The following PCDH9 variants were observed in gnomAD, a reference collection of about 807,000 sequenced individuals.
PCDH9 encodes the protein protocadherin-9.
Under a neutral mutation model 70.6 loss-of-function variants are expected in PCDH9, and 24 were observed. The observed-to-expected ratio is 0.34, with a 90% confidence interval of 0.25 to 0.48. The LOEUF (loss-of-function observed/expected upper bound fraction) is 0.48, where lower values mean the gene tolerates loss of function less well. Ranked by LOEUF, PCDH9 falls within the 20% of genes least tolerant of loss-of-function variation. The pLI is 0.99. For synonymous variants in PCDH9, 562 were observed against 558.5 expected (o/e 1.01, Z -0.09); for missense variants, 1,281 against 1,503.6 (o/e 0.85, Z 2.45).
chr13:66,808,708 G>T (rs929471752), intron 3 of PCDH9, among the ~76,000 whole-genome samples: 1 of 152,094 alleles, frequency 6.6e-6, no homozygotes, highest in Non-Finnish European at 1.5e-5. Context: ...GCTAGAGAAT[G>T]CATATTTATA....
chr13:67,112,386 T>C (rs1344409804), intron 2 of PCDH9, among the ~76,000 whole-genome samples: 3 of 152,200 alleles, frequency 2.0e-5, no homozygotes, highest in African/African-American at 4.8e-5. Context: ...GTGGTGCCTA[T>C]GATCAGCAGC....
At chr13:66,564,954 G>A (rs988327707) in intron 4 of PCDH9, among the ~76,000 whole-genome samples, 1 of 151,600 alleles carries the variant, frequency 6.6e-6, no homozygotes, top group Non-Finnish European at 1.5e-5. Flanking sequence ...ATGTAACCTC[G>A]TTTCTCTCTG....
At chr13:66,692,908 T>C (rs1340324635) in intron 3 of PCDH9, among the ~76,000 whole-genome samples, 1 of 152,010 alleles carries the variant, frequency 6.6e-6, no homozygotes, top group African/African-American at 2.4e-5. Context: ...GAATGGACTA[T>C]TTGAGGAAAA....
intron 2 of PCDH9, among the ~76,000 whole-genome samples, chr13:67,112,265 G>A (rs1273880012): frequency 6.6e-6 from 1 of 152,082 alleles, no homozygotes; most frequent in Non-Finnish European, 1.5e-5. Flanking sequence ...GCTAGGCAGG[G>A]CATTTGACAC....
intron 2 of PCDH9, among the ~76,000 whole-genome samples, chr13:66,986,223 C>T (rs970668612): frequency 2.0e-5 from 3 of 151,940 alleles, no homozygotes; most frequent in Admixed American, 6.6e-5. Flanking sequence ...AGATTTCACT[C>T]ACTATCACAA....
At chr13:66,783,626 T>G (rs2080034865) in intron 3 of PCDH9, among the ~76,000 whole-genome samples, 1 of 152,138 alleles carries the variant, frequency 6.6e-6, no homozygotes, top group Non-Finnish European at 1.5e-5. Flanking sequence ...GTAATTCAAA[T>G]TCATTTACAA....
chr13:67,008,357 G>T (rs2084392010), intron 2 of PCDH9, among the ~76,000 whole-genome samples: 1 of 152,084 alleles, frequency 6.6e-6, no homozygotes, highest in Admixed American at 6.6e-5. Context: ...GGAGAAATCA[G>T]CTAGTACACA....
chr13:66,781,822 A>G (rs1302556246), intron 3 of PCDH9, among the ~76,000 whole-genome samples: 5 of 152,206 alleles, frequency 3.3e-5, no homozygotes, highest in Admixed American at 2.0e-4. Context: ...AACTTACTTT[A>G]GTTATATTCA....
chr13:66,534,273 G>A (rs1844888801), intron 4 of PCDH9, among the ~76,000 whole-genome samples: 1 of 152,082 alleles, frequency 6.6e-6, no homozygotes, highest in South Asian at 2.1e-4. Context: ...TCTTTTTAAA[G>A]TTATTGTCTT....
intron 4 of PCDH9, among the ~76,000 whole-genome samples, chr13:66,539,836 C>G (rs1224955364): frequency 1.3e-5 from 2 of 149,182 alleles, no homozygotes; most frequent in Admixed American, 1.3e-4. Flanking sequence ...TTATATTTTC[C>G]TATTTTTCTT....
chr13:66,579,355 T>G (rs1229170120), intron 4 of PCDH9, among the ~76,000 whole-genome samples: 1 of 152,070 alleles, frequency 6.6e-6, no homozygotes, highest in Non-Finnish European at 1.5e-5. Context: ...GCTAAAATGC[T>G]AAACTTCGAA....
chr13:67,201,804 G>A (rs2089219954), intron 2 of PCDH9: 1 of 151,862 alleles, frequency 6.6e-6, no homozygotes, highest in South Asian at 2.1e-4. Context: ...TAGTGCCTAA[G>A]TATCTCAAGA....
intron 4 of PCDH9, among the ~76,000 whole-genome samples, chr13:66,553,830 A>C (rs1961602022): frequency 6.6e-6 from 1 of 152,202 alleles, no homozygotes; most frequent in South Asian, 2.1e-4. Flanking sequence ...CCATTTTAAT[A>C]ATAAAATTCC....
intron 4 of PCDH9, among the ~76,000 whole-genome samples, chr13:66,362,093 C>A (rs1384287042): frequency 5.9e-5 from 9 of 152,132 alleles, no homozygotes; most frequent in African/African-American, 2.2e-4. Context: ...TTACTGATAT[C>A]TAGAGCACTG....
chr13:66,943,885 A>G (rs2083045753), intron 2 of PCDH9, among the ~76,000 whole-genome samples: 2 of 152,110 alleles, frequency 1.3e-5, no homozygotes, highest in Admixed American at 6.6e-5. Flanking sequence ...TGTGATTTGG[A>G]TACCAATGAA....
At chr13:67,200,945 C>A (rs1303533715) in intron 2 of PCDH9, 1 of 152,006 alleles carries the variant, frequency 6.6e-6, no homozygotes, top group Non-Finnish European at 1.5e-5. Context: ...TCAGGAAATC[C>A]TTATTAGAAG....
chr13:66,776,992 T>C (rs2079906307), intron 3 of PCDH9, among the ~76,000 whole-genome samples: 1 of 151,518 alleles, frequency 6.6e-6, no homozygotes, highest in Admixed American at 6.6e-5. Flanking sequence ...TACAACTATC[T>C]GATCTTTGAC....
In PCDH9 at chr13:67,225,991, A is replaced by G. The variant is rs367921918; in HGVS notation, c.2450T>C (p.Ile817Thr). The G allele has an allele frequency of 2.5e-6, 4 of 1,614,144 alleles. No homozygotes were observed. Among genetic ancestry groups the G allele is most frequent in the Non-Finnish European group, 2.5e-6 (3 of 1,180,010 alleles). The change falls in exon 2 of 5, where the codon ATT becomes ACT. Residue 817 changes from isoleucine (I) to threonine (T), a missense_variant. By Grantham distance (89) the Ile-to-Thr change is moderately conservative. Around this residue, in one of 4 missense-constraint regions of PCDH9, gnomAD observed 798 missense variants for 1,003.1 expected, o/e 0.80. Coordinates refer to ENST00000377865, the MANE Select transcript of PCDH9 (RefSeq NM_203487.3). ...CACCATGGCACCGGCGATGATGGCA[A>G]TCATGATGGTTAGATAGTCCTCATT... is the stretch of plus-strand genomic sequence containing the variant. ...YQNEDYLTIMIAIIAGAMVVI... is the reference protein window; with the variant it reads ...YQNEDYLTIMTAIIAGAMVVI...
chr13:66,896,723 C>T (rs548971370), intron 3 of PCDH9, among the ~76,000 whole-genome samples: 1 of 152,228 alleles, frequency 6.6e-6, no homozygotes, highest in Non-Finnish European at 1.5e-5. Flanking sequence ...AGATACTATA[C>T]TAAGAATATA....
Sources: gnomAD v4.1 joint callset for allele counts (sites outside exome capture counted in the v4.1 genomes callset) on GRCh38, gnomAD v4.1.1 for gene constraint, gnomAD v4.1.1 regional missense constraint, MANE v1.5 for transcripts, NCBI Gene and HGNC (gene_info 2026-07-23, HGNC 2026-07-21) for gene names.